CILP2: variants seen among roughly 807,000 people sequenced by gnomAD.
The protein encoded by CILP2 is cartilage intermediate layer protein 2, also known as CILP-2.
Under a neutral mutation model 45.6 loss-of-function variants are expected in CILP2, and 38 were observed. That is an observed-to-expected ratio of 0.83 (90% CI 0.64 to 1.09). The LOEUF is 1.09. CILP2 is among the 50% of genes least tolerant of loss of function. The pLI, the probability that CILP2 is intolerant of heterozygous loss-of-function variation, is 0.00. For synonymous variants in CILP2, 780 were observed against 723.5 expected, an observed-to-expected ratio of 1.08 and a Z score of -1.25; for missense variants, 1,735 against 1,662.2, an observed-to-expected ratio of 1.04 and a Z score of -0.76.
In CILP2 at chr19:19,544,214, A is replaced by C. The variant is rs1355925958; in HGVS notation, c.1669A>C (p.Lys557Gln). The C allele has an allele frequency of 6.2e-7, 1 of 1,613,936 alleles. No homozygotes were observed. Among genetic ancestry groups the C allele is most frequent in the Non-Finnish European group, 8.5e-7 (1 of 1,179,978 alleles). ...VYHEVKAMRK[K>Q]APVILHTSQS... ...CCACGAGGTCAAGGCCATGCGGAAG[A>C]AAGCCCCGGTCATTTTACATACCAG... The change falls in exon 8 of 8, where the codon AAA (lysine) becomes CAA (glutamine). Residue 557 changes from lysine to glutamine, a missense_variant. By Grantham distance (53) the Lys-to-Gln change is moderately conservative (BLOSUM62 1). Coordinates refer to ENST00000291495, the MANE Select transcript of CILP2 (RefSeq NM_153221.2).
intron 7 of CILP2, 39 bp downstream of exon 7, chr19:19,543,444 C>A (rs889024517): frequency 1.2e-5 from 19 of 1,608,400 alleles, no homozygotes; most frequent in Non-Finnish European, 1.5e-5. Context: ...AAGCCTTCAC[C>A]CAAACGGAAC....
chr19:19,545,185 G>C lies in CILP2; in HGVS notation c.2640G>C (p.Pro880=). 3 of 1,612,710 alleles carry C rather than the reference G, an allele frequency of 1.9e-6. No individual in the cohort carries two copies. In the South Asian group the frequency reaches 3.3e-5, roughly 18 times the overall value. The change falls in exon 8 of 8, where the codon CCG becomes CCC. Residue 880 remains proline, a synonymous_variant. Transcript: ENST00000291495. ...CCGAGGCCAATGGGCCTGTGTACCC[G>C]TGGCGCAGCCTGCGGGAATGCCAGG... ...DPAEANGPVY[P]WRSLRECQGA...
At position 19,542,445 on chromosome 19, in the gene CILP2, A is replaced by C; in HGVS notation, c.663A>C (p.Gln221His). ...GCTCGGTGGTCACCCCATCTGGGCA[A>C]CCACTGCTAGGAGCCAGGGTCTCCC... is the stretch of plus-strand genomic sequence containing the variant. ...LLGSVVTPSG[Q>H]PLLGARVSLR... Residue 221 changes from glutamine (Q) to histidine (H), a missense_variant, in exon 5 of 8, where the codon CAA (glutamine) becomes CAC (histidine). Physicochemically the swap from Gln to His is conservative, Grantham distance 24. Transcript: ENST00000291495. 6.2e-7 allele frequency: 1 copy of C among 1,612,462 alleles called. No individual in the cohort carries two copies. Among genetic ancestry groups the C allele is most frequent in the Non-Finnish European group, 8.5e-7 (1 of 1,179,942 alleles).
Position 19,544,347 on chromosome 19 carries a change from G to A in CILP2, c.1802G>A (p.Gly601Glu), listed in dbSNP as rs2061255328. 6.2e-7 allele frequency: 1 copy of A among 1,610,654 alleles called. No individual in the cohort carries two copies. Among genetic ancestry groups the A allele is most frequent in the Non-Finnish European group, 8.5e-7 (1 of 1,179,368 alleles). ...FRRADGKPYS[G>E]PVEARVTFVD... is the part of the protein sequence containing the mutation. The stretch of plus-strand genomic sequence containing the variant: ...AGAGCCGACGGCAAACCCTACTCGG[G>A]GCCTGTGGAGGCCCGGGTGACGTTC... The change falls in exon 8 of 8, where the codon GGG (glycine) becomes GAG (glutamate). Residue 601 changes from glycine to glutamate, a missense_variant. Transcript: ENST00000291495.
chr19:19,539,965 CAG>C (rs1329221201), intron 2 of CILP2, among the ~76,000 whole-genome samples, 188 bp downstream of exon 2: 1 of 152,202 alleles, frequency 6.6e-6, no homozygotes, highest in Non-Finnish European at 1.5e-5. Flanking sequence ...GCCGGTCAGA[CAG>C]AGGCAAGAGC....
chr19:19,544,548 G>C lies in CILP2; in HGVS notation c.2003G>C (p.Ser668Thr), dbSNP rs769779521. ...CCGGTGGCCGTGCGGGTGGCCGCCA[G>C]CCAGATCCACATGCCAGGCCACGTG... The part of the protein sequence containing the change: ...VGPVAVRVAA[S>T]QIHMPGHVEA... Residue 668 changes from serine to threonine, a missense_variant, in exon 8 of 8, where the codon AGC becomes ACC. Ser to Thr is a moderately conservative substitution (Grantham distance 58). Transcript: ENST00000291495. The C allele has an allele frequency of 1.3e-5, 20 of 1,581,458 alleles. No individual in the cohort carries two copies. Among genetic ancestry groups the C allele is most frequent in the Non-Finnish European group, 1.7e-5 (20 of 1,169,962 alleles).
At position 19,538,330 on chromosome 19, in the gene CILP2, T is replaced by G; in HGVS notation, c.-20T>G. 6.4e-7 allele frequency: 1 copy of G among 1,572,574 alleles called. No individual in the cohort carries two copies. The highest frequency in any genetic ancestry group is 8.6e-7 in the Non-Finnish European group (1 of 1,167,914). On this transcript the variant is annotated 5_prime_UTR_variant, in exon 1 of 8. Transcript: ENST00000291495. Reference sequence around the variant, plus strand: ...CACGCCGCGGAGCCCGGACCCTCCCTCGGACGCTCTGCCCCGGCCATGGCG... The same window carrying G: ...CACGCCGCGGAGCCCGGACCCTCCCGCGGACGCTCTGCCCCGGCCATGGCG...
At position 19,542,978 on chromosome 19, in the gene CILP2, C is replaced by T. The variant is rs1225003739; in HGVS notation, c.977+6C>T. ...ATGCCCAAGAAATACTCCTGGTGAG[C>T]GCCCGCCCCGGGCTCAGGGGCATCT... On this transcript the variant is annotated splice_donor_region_variant and intron_variant, in intron 6 of 7. Transcript: ENST00000291495. The T allele has an allele frequency of 1.0e-5, 16 of 1,573,632 alleles. No homozygotes were observed. The highest frequency in any genetic ancestry group is 7.8e-5 in the South Asian group (7 of 89,838).
chr19:19,542,809 G>T, intron 5 of CILP2, 55 bp from the exon 6 acceptor site: 1 of 1,560,752 alleles, frequency 6.4e-7, no homozygotes, highest in Non-Finnish European at 8.8e-7. Flanking sequence ...TGGGGACGTT[G>T]CTCCTAGGAA....
At chr19:19,543,474 A>T in intron 7 of CILP2, 69 bp downstream of exon 7, 1 of 1,571,286 alleles carries the variant, frequency 6.4e-7, no homozygotes, top group Non-Finnish European at 8.7e-7. Context: ...AGCTAAGCTC[A>T]ACCCCAAATG....
chr19:19,541,823 G>T (rs969586720), intron 4 of CILP2, among the ~76,000 whole-genome samples: 1 of 152,182 alleles, frequency 6.6e-6, no homozygotes, highest in Non-Finnish European at 1.5e-5. Flanking sequence ...TTCCGCTAGC[G>T]CCTGGGCTCC....
At chr19:19,539,259 C>T (rs2061234080) in intron 1 of CILP2, among the ~76,000 whole-genome samples, 1 of 152,082 alleles carries the variant, frequency 6.6e-6, no homozygotes, top group Admixed American at 6.5e-5. Flanking sequence ...TCAATTTTCC[C>T]TCCTGTTAAA....
Position 19,542,411 on chromosome 19 carries a change from T to A in CILP2, c.629T>A (p.Ile210Asn), listed in dbSNP as rs1705014575. The change falls in exon 5 of 8, where the codon ATC (isoleucine) becomes AAC (asparagine). Residue 210 changes from isoleucine to asparagine, a missense_variant. Transcript: ENST00000291495. ...SLDTCECPDH[I>N]LLGSVVTPSG... ...GACACCTGTGAATGCCCGGACCACATCCTCCTGGGCTCGGTGGTCACCCCA... is the reference window on the plus strand; with the variant it reads ...GACACCTGTGAATGCCCGGACCACAACCTCCTGGGCTCGGTGGTCACCCCA... 6.2e-7 allele frequency: 1 copy of A among 1,611,854 alleles called. No homozygotes were observed. The highest frequency in any genetic ancestry group is 1.3e-5 in the African/African-American group (1 of 74,822).
In CILP2 at chr19:19,539,671, A is replaced by T. The variant is rs1187855009; in HGVS notation, c.65-8A>T. 1.1e-5 allele frequency: 17 copies of T among 1,563,358 alleles called. No homozygotes were observed. Among genetic ancestry groups the T allele is most frequent in the African/African-American group, 1.4e-5 (1 of 71,314 alleles). On this transcript the variant is annotated splice_region_variant and splice_polypyrimidine_tract_variant and intron_variant, in intron 1 of 7. Transcript: ENST00000291495. The stretch of plus-strand genomic sequence containing the variant: ...GCGTGCTTCCTTCTCCCCACTCCTC[A>T]CCCACAGACGCCACCCCCACCGAGG...
At position 19,544,011 on chromosome 19, in the gene CILP2, G is replaced by A. The variant is rs773453408; in HGVS notation, c.1466G>A (p.Arg489His). Residue 489 changes from arginine to histidine, a missense_variant, in exon 8 of 8, where the codon CGC (arginine) becomes CAC (histidine). Physicochemically the swap from Arg to His is conservative, Grantham distance 29. Transcript: ENST00000291495. The part of the protein sequence containing the change: ...VVAADSGEPL[R>H]FARILLGQEP... ...GCTGCTGACTCCGGGGAGCCGCTAC[G>A]CTTCGCCAGGATTCTGCTGGGCCAG... 28 of 1,613,706 alleles carry A rather than the reference G, an allele frequency of 1.7e-5. No individual in the cohort carries two copies. The highest frequency in any genetic ancestry group is 2.2e-5 in the East Asian group (1 of 44,878).
At chr19:19,543,143 G>T in intron 6 of CILP2, 105 bp from the exon 7 acceptor site, 1 of 1,266,940 alleles carries the variant, frequency 7.9e-7, no homozygotes. Flanking sequence ...TTGCTGGGGA[G>T]GAGGCTGACT....
rs1327855594 is a variant in CILP2 at position 19,544,535 on chromosome 19, C to T, written c.1990C>T (p.Arg664Trp). 3 of 1,585,444 alleles carry T rather than the reference C, an allele frequency of 1.9e-6. No individual in the cohort carries two copies. The highest frequency in any genetic ancestry group is 1.1e-5 in the South Asian group (1 of 88,724). ...EQLQVGPVAV[R>W]VAASQIHMPG... ...GCTGCAGGTGGGGCCGGTGGCCGTG[C>T]GGGTGGCCGCCAGCCAGATCCACAT... is the stretch of plus-strand genomic sequence containing the variant. The change falls in exon 8 of 8, where the codon CGG (arginine) becomes TGG (tryptophan). Residue 664 changes from arginine (R) to tryptophan (W), a missense_variant. Coordinates refer to ENST00000291495, the MANE Select transcript of CILP2 (RefSeq NM_153221.2).
chr19:19,540,150 T>C (rs1349409521), intron 2 of CILP2, 54 bp from the exon 3 acceptor site: 1 of 1,482,496 alleles, frequency 6.7e-7, no homozygotes, highest in Non-Finnish European at 8.9e-7. Flanking sequence ...TTTGCACGCA[T>C]GCATGGGGGC....
At position 19,546,108 on chromosome 19, in the gene CILP2, C is replaced by T; in HGVS notation, c.*92C>T. On this transcript the variant is annotated 3_prime_UTR_variant, in exon 8 of 8. Transcript: ENST00000291495. ...CCTTCTTCTCCAGACAGCCCCCTCCCCAGGTGTCTGGGTCCCCTTTCCCGC... is the reference window on the plus strand; with the variant it reads ...CCTTCTTCTCCAGACAGCCCCCTCCTCAGGTGTCTGGGTCCCCTTTCCCGC... 1 of 1,120,654 alleles carries T rather than the reference C, an allele frequency of 8.9e-7. No homozygotes were observed. Among genetic ancestry groups the T allele is most frequent in the South Asian group, 2.3e-5 (1 of 42,918 alleles). 69.4% of individuals were successfully genotyped at this position (1,120,654 alleles called of 1,614,324 possible).
Sources: allele counts gnomAD v4.1 joint callset (sites outside exome capture counted in the v4.1 genomes callset), GRCh38; gene constraint gnomAD v4.1.1; transcripts MANE v1.5; gene names NCBI Gene and HGNC (gene_info 2026-07-23, HGNC 2026-07-21).